Variants in CYP2W1 observed in about 807,000 individuals in gnomAD.
The protein encoded by CYP2W1 is cytochrome P450 family 2 subfamily W member 1.
CYP2W1 carries 51 observed loss-of-function variants against 44.9 expected under a neutral mutation model. The observed-to-expected ratio is 1.14, with a 90% confidence interval of 0.91 to 1.43. The LOEUF is 1.43. Among genes scored for constraint, CYP2W1 ranks in the 40% most tolerant of loss-of-function variants. The pLI is 0.00. For synonymous variants in CYP2W1, 383 were observed against 338.3 expected, an observed-to-expected ratio of 1.13 and a Z score of -1.45; for missense variants, 746 against 700.0, an observed-to-expected ratio of 1.07 and a Z score of -0.74.
chr7:986,866 C>G, intron 5 of CYP2W1, 69 bp downstream of exon 5: 1 of 1,429,270 alleles, frequency 7.0e-7, no homozygotes, highest in Non-Finnish European at 9.2e-7. Context: ...GGGAGCACGG[C>G]TGGGGAGGGG....
intron 7 of CYP2W1, 149 bp from the exon 8 acceptor site, chr7:988,128 C>T: frequency 3.1e-6 from 3 of 957,730 alleles, no homozygotes; most frequent in East Asian, 2.6e-5. Context: ...ATGTGGCCTC[C>T]CTGGGTTTGG....
In CYP2W1 at chr7:985,199, C is replaced by T; in HGVS notation, c.521C>T (p.Ala174Val). The T allele has an allele frequency of 6.4e-7, 1 of 1,565,808 alleles. No individual in the cohort carries two copies. The highest frequency in any genetic ancestry group is 1.2e-5 in the South Asian group (1 of 85,982). Reference sequence around the variant, plus strand: ...TTCCCGCTGGCCCTACTGGGCTGGGCTCCCTCCAATATCACCTTCGCGCTC... The same window carrying T: ...TTCCCGCTGGCCCTACTGGGCTGGGTTCCCTCCAATATCACCTTCGCGCTC... ...RPFPLALLGW[A>V]PSNITFALLF... The change falls in exon 4 of 9, where the codon GCT becomes GTT. Residue 174 changes from alanine to valine, a missense_variant. Coordinates refer to ENST00000308919, the MANE Select transcript of CYP2W1 (RefSeq NM_017781.3).
chr7:984,411 G>A lies in CYP2W1; in HGVS notation c.175-1G>A, dbSNP rs1214197243. On this transcript the variant is annotated splice_acceptor_variant, in intron 1 of 8. Transcript: ENST00000308919. LOFTEE classifies it high-confidence loss of function. ...CGGGTGACCCCCGCCATCCCTGCCA[G>A]CTCTCAGAACGCTACGGGCCGGTGT... 6.5e-7 allele frequency: 1 copy of A among 1,547,112 alleles called. No individual in the cohort carries two copies. Among genetic ancestry groups the A allele is most frequent in the African/African-American group, 1.4e-5 (1 of 73,150 alleles).
chr7:988,882 C>A lies in CYP2W1; in HGVS notation c.*60C>A. The A allele has an allele frequency of 9.3e-7, 1 of 1,080,756 alleles. No homozygotes were observed. The highest frequency in any genetic ancestry group is 1.3e-6 in the Non-Finnish European group (1 of 761,692). The allele number at this position is 1,080,756 out of a possible 1,614,324, so 66.9% of individuals were successfully genotyped here. On this transcript the variant is annotated 3_prime_UTR_variant, in exon 9 of 9. Transcript: ENST00000308919. Reference sequence around the variant, plus strand: ...CCCCTCCCAGCCCTGGGTCCTCCCACCCTCTCTCCTCCCACCCCACAGCTC... The same window carrying A: ...CCCCTCCCAGCCCTGGGTCCTCCCAACCTCTCTCCTCCCACCCCACAGCTC...
In CYP2W1 at chr7:989,196, G is replaced by A. The variant is rs1365363414; in HGVS notation, c.*374G>A. Reference sequence around the variant, plus strand: ...CAACGGGTGGCTGCATCCAGCCAGAGACAGGCGCAGGTGGGTGTCCTCAGC... The same window carrying A: ...CAACGGGTGGCTGCATCCAGCCAGAAACAGGCGCAGGTGGGTGTCCTCAGC... On this transcript the variant is annotated 3_prime_UTR_variant, in exon 9 of 9. Transcript: ENST00000308919. The A allele has an allele frequency of 7.6e-6, 2 of 261,842 alleles. No homozygotes were observed. The highest frequency in any genetic ancestry group is 1.4e-4 in the East Asian group (2 of 14,390). The allele number at this position is 261,842 out of a possible 1,614,324, so 16.2% of individuals were successfully genotyped here.
intron 7 of CYP2W1, among the ~76,000 whole-genome samples, chr7:987,805 G>C (rs1848484812): frequency 6.6e-6 from 1 of 151,954 alleles, no homozygotes; most frequent in Non-Finnish European, 1.5e-5. Context: ...ATGTGTCCTA[G>C]GCGATCCCCT....
In CYP2W1 at chr7:985,027, G is replaced by A; in HGVS notation, c.415G>A (p.Gly139Ser). 3 of 1,612,218 alleles carry A rather than the reference G, an allele frequency of 1.9e-6. No individual in the cohort carries two copies. Among genetic ancestry groups the A allele is most frequent in the Non-Finnish European group, 2.5e-6 (3 of 1,179,852 alleles). ...TVRALHSLGV[G>S]REPVADKILQ... ...GCGTGCCCTGCACAGCCTGGGCGTG[G>A]GCCGGGAGCCGGTGGCTGACAAGAT... is the stretch of plus-strand genomic sequence containing the variant. Residue 139 changes from glycine to serine, a missense_variant, in exon 3 of 9, where the codon GGC (glycine) becomes AGC (serine). Gly to Ser is a moderately conservative substitution (Grantham distance 56). Coordinates refer to ENST00000308919, the MANE Select transcript of CYP2W1 (RefSeq NM_017781.3).
In CYP2W1 at chr7:988,744, C is replaced by T. The variant is rs367596832; in HGVS notation, c.1395C>T (p.Ala465=). The T allele has an allele frequency of 4.1e-5, 66 of 1,599,428 alleles. 1 individual carries two copies. The African/African-American group carries it at 7.2e-4, about 17-fold the overall frequency. Residue 465 remains alanine (A), a synonymous_variant, in exon 9 of 9, where the codon GCC becomes GCT. Transcript: ENST00000308919. ...RLLPPPGVSP[A]SLDTTPARAF... is the part of the protein sequence containing the mutation. ...TGCCCCCGCCTGGCGTCAGTCCGGC[C>T]TCCCTGGACACCACGCCCGCCCGGG...
intron 7 of CYP2W1, 76 bp downstream of exon 7, chr7:987,607 G>A: frequency 2.2e-6 from 3 of 1,355,900 alleles, no homozygotes; most frequent in East Asian, 2.6e-5. Context: ...CACTGGGACG[G>A]CTGAGCGTCT....
chr7:984,997 ACGGTG>A lies in CYP2W1; in HGVS notation c.388_392del (p.Val130CysfsTer14). ...GCGCTGGAGGGCTGCCCGCCAGTTCACGGTGCGTGCCCTGCACAGCCTGGGCGTGG... is the reference window on the plus strand; with the variant it reads ...GCGCTGGAGGGCTGCCCGCCAGTTCACGTGCCCTGCACAGCCTGGGCGTGG... On this transcript the variant is annotated frameshift_variant, in exon 3 of 9. Transcript: ENST00000308919. LOFTEE classifies it high-confidence loss of function. The A allele has an allele frequency of 6.2e-7, 1 of 1,610,788 alleles. No homozygotes were observed. The highest frequency in any genetic ancestry group is 8.5e-7 in the Non-Finnish European group (1 of 1,179,678).
At chr7:986,151 C>T (rs546595072) in intron 4 of CYP2W1, among the ~76,000 whole-genome samples, 3 of 152,292 alleles carry the variant, frequency 2.0e-5, no homozygotes, top group South Asian at 4.1e-4. Context: ...TACTGGCGAT[C>T]GCGGACGCCC....
Position 988,764 on chromosome 7 carries a change from C to T in CYP2W1, c.1415C>T (p.Ala472Val). ...VSPASLDTTP[A>V]RAFTMRPRAQ... ...CCGGCCTCCCTGGACACCACGCCCG[C>T]CCGGGCTTTTACCATGAGGCCGAGG... The change falls in exon 9 of 9, where the codon GCC (alanine) becomes GTC (valine). Residue 472 changes from alanine to valine, a missense_variant. Transcript: ENST00000308919. 1 of 1,598,614 alleles carries T rather than the reference C, an allele frequency of 6.3e-7. No individual in the cohort carries two copies. Among genetic ancestry groups the T allele is most frequent in the African/African-American group, 1.3e-5 (1 of 74,990 alleles).
chr7:986,124 C>T lies in CYP2W1; in HGVS notation c.646-500C>T, dbSNP rs1284257559. 2.0e-5 allele frequency among the ~76,000 whole-genome samples: 3 copies of T among 152,184 alleles called. No individual in the cohort carries two copies. In the South Asian group the frequency reaches 6.2e-4, roughly 31 times the overall value. On this transcript the variant is annotated intron_variant, in intron 4 of 8. Transcript: ENST00000308919. ...TGGTGCCAGCTCCTTACCACAGAGA[C>T]GCCGCGTGGAACTCACTACTGGCGA...
chr7:985,923 G>A (rs1341092149), intron 4 of CYP2W1, among the ~76,000 whole-genome samples: 1 of 152,092 alleles, frequency 6.6e-6, no homozygotes, highest in Non-Finnish European at 1.5e-5. Flanking sequence ...GAGCAGCGGT[G>A]GGTTCACAAG....
chr7:984,830 TG>T (rs1359075621), intron 2 of CYP2W1, 119 bp from the exon 3 acceptor site: 2 of 1,358,636 alleles, frequency 1.5e-6, no homozygotes, highest in Non-Finnish European at 9.9e-7. Context: ...GGAGTGGGGA[TG>T]GGGGTGAGGG....
At chr7:985,510 G>C (rs139775241) in intron 4 of CYP2W1, among the ~76,000 whole-genome samples, 187 bp downstream of exon 4, 1 of 152,164 alleles carries the variant, frequency 6.6e-6, no homozygotes, top group African/African-American at 2.4e-5. Flanking sequence ...CCTCAAACCA[G>C]CCCCTGTGCT....
In CYP2W1 at chr7:986,871, G is replaced by A. The variant is rs1029561075; in HGVS notation, c.819+74G>A. 2.3e-4 allele frequency: 321 copies of A among 1,425,058 alleles called. 1 individual carries two copies. Among genetic ancestry groups the A allele is most frequent in the South Asian group, 4.6e-4 (31 of 67,748 alleles). 88.3% of individuals were successfully genotyped at this position (1,425,058 alleles called of 1,614,324 possible). ...GACACCCCAGGGGAGCACGGCTGGGGAGGGGTCCATACCGGTCCTGCACCA... is the reference window on the plus strand; with the variant it reads ...GACACCCCAGGGGAGCACGGCTGGGAAGGGGTCCATACCGGTCCTGCACCA... On this transcript the variant is annotated intron_variant, in intron 5 of 8. Coordinates refer to ENST00000308919, the MANE Select transcript of CYP2W1 (RefSeq NM_017781.3).
intron 1 of CYP2W1, 92 bp from the exon 2 acceptor site, chr7:984,320 C>A: frequency 8.1e-6 from 12 of 1,472,688 alleles, no homozygotes; most frequent in Non-Finnish European, 1.1e-5. Flanking sequence ...CCCTCTGTCC[C>A]CACCCCTACC....
At chr7:984,047 G>A (rs904648112) in intron 1 of CYP2W1, among the ~76,000 whole-genome samples, 6 of 152,218 alleles carry the variant, frequency 3.9e-5, no homozygotes, top group African/African-American at 1.2e-4. Context: ...TCTGGGGGCC[G>A]AGCCTGTCAG....
Sources: gnomAD v4.1 joint callset for allele counts (sites outside exome capture counted in the v4.1 genomes callset) on GRCh38, gnomAD v4.1.1 for gene constraint, MANE v1.5 for transcripts, NCBI Gene and HGNC (gene_info 2026-07-23, HGNC 2026-07-21) for gene names.